Variants in CELF1 observed in about 807,000 individuals in gnomAD.
CELF1 encodes the protein CUGBP Elav-like family member 1, also known as 50 kDa nuclear polyadenylated RNA-binding protein.
In CELF1, 10 loss-of-function variants were observed where a neutral mutation model predicts 61.8. The observed-to-expected ratio is 0.16, with a 90% CI of 0.10 to 0.27. The LOEUF (loss-of-function observed/expected upper bound fraction) is 0.27. Among genes scored for constraint, CELF1 ranks in the 10% least tolerant of loss-of-function variants. The pLI, the probability that CELF1 is intolerant of heterozygous loss-of-function variation, is 1.00. For missense variants in CELF1, 380 were observed against 639.1 expected, an observed-to-expected ratio of 0.59 and a Z score of 4.37; for synonymous variants, 236 against 225.1, an observed-to-expected ratio of 1.05 and a Z score of -0.43.
At chr11:47,546,236 C>T (rs1598502483) in intron 1 of CELF1, among the ~76,000 whole-genome samples, 1 of 79,200 alleles carries the variant, frequency 1.3e-5, no homozygotes, top group African/African-American at 5.1e-5. Context: ...CTCTCAGTAT[C>T]TTTTTTTTTT....
chr11:47,552,670 G>C (rs1263625047), intron 1 of CELF1, among the ~76,000 whole-genome samples: 1 of 152,206 alleles, frequency 6.6e-6, no homozygotes, highest in South Asian at 2.1e-4. Context: ...AGCTGGCCCT[G>C]GGCAGGGCAC....
chr11:47,484,330 A>T, intron 7 of CELF1, 59 bp downstream of exon 7: 1 of 1,552,488 alleles, frequency 6.4e-7, no homozygotes, highest in Non-Finnish European at 8.7e-7. Flanking sequence ...AAAAAAAAAA[A>T]CCCCAAACCA....
At chr11:47,546,378 T>C (rs886362875) in intron 1 of CELF1, among the ~76,000 whole-genome samples, 12 of 151,876 alleles carry the variant, frequency 7.9e-5, no homozygotes, top group Non-Finnish European at 4.4e-5. Context: ...GCGATTCTCC[T>C]GCCTCAGCCT....
chr11:47,559,610 G>A (rs926175536), intron 2 of CELF1, among the ~76,000 whole-genome samples: 1 of 152,150 alleles, frequency 6.6e-6, no homozygotes, highest in Admixed American at 6.6e-5. Flanking sequence ...TCAGGTAGAT[G>A]TGAACCATGG....
chr11:47,526,698 G>A (rs1216212138), intron 1 of CELF1, among the ~76,000 whole-genome samples: 1 of 152,130 alleles, frequency 6.6e-6, no homozygotes, highest in African/African-American at 2.4e-5. Flanking sequence ...GAAATAGAAT[G>A]GTGGAACTAG....
At chr11:47,474,394 C>G (rs1384675061) in intron 13 of CELF1, among the ~76,000 whole-genome samples, 1 of 152,188 alleles carries the variant, frequency 6.6e-6, no homozygotes, top group Non-Finnish European at 1.5e-5. Context: ...TCCTTCAGTT[C>G]TCTGCTTAAA....
intron 1 of CELF1, among the ~76,000 whole-genome samples, chr11:47,503,787 T>C (rs1254172153): frequency 1.3e-5 from 2 of 152,220 alleles, no homozygotes; most frequent in Non-Finnish European, 1.5e-5. Flanking sequence ...CTTGCTTGCA[T>C]AGGTAAAATA....
At chr11:47,517,951 T>A (rs2095649960) in intron 1 of CELF1, among the ~76,000 whole-genome samples, 2 of 152,096 alleles carry the variant, frequency 1.3e-5, no homozygotes, top group South Asian at 4.1e-4. Context: ...TACTGAAAAT[T>A]TTTTTAAAGA....
At chr11:47,505,843 G>A (rs1487193590) in intron 1 of CELF1, among the ~76,000 whole-genome samples, 1 of 148,838 alleles carries the variant, frequency 6.7e-6, no homozygotes, top group African/African-American at 2.5e-5. Context: ...GCTGAGGCAC[G>A]AGAATTGCCT....
intron 1 of CELF1, chr11:47,506,924 G>C (rs2094549288): frequency 6.6e-6 from 1 of 152,180 alleles, no homozygotes; most frequent in Non-Finnish European, 1.5e-5. Flanking sequence ...AGAAAAATAA[G>C]TGGGCCATGC....
chr11:47,478,748 T>C (rs1423466733), intron 10 of CELF1, 129 bp downstream of exon 10: 3 of 683,998 alleles, frequency 4.4e-6, no homozygotes, highest in Non-Finnish European at 7.7e-6. Context: ...GGGATGTTTA[T>C]CCTAGGTCAG....
chr11:47,561,226 C>T (rs556044023), intron 2 of CELF1, among the ~76,000 whole-genome samples: 20 of 150,112 alleles, frequency 1.3e-4, no homozygotes, highest in African/African-American at 3.2e-4. Flanking sequence ...AGGTGGATCA[C>T]GAGGTCAGGA....
At chr11:47,548,298 CA>C (rs368036214) in intron 1 of CELF1, among the ~76,000 whole-genome samples, 2,140 of 148,990 alleles carry the variant, frequency 0.014, 48 homozygotes, top group African/African-American at 0.049. Flanking sequence ...GACTCCGTCT[CA>C]AAAAAAAAGG....
intron 2 of CELF1, among the ~76,000 whole-genome samples, chr11:47,558,814 T>C (rs1370747977): frequency 8.1e-6 from 1 of 123,118 alleles, no homozygotes; most frequent in African/African-American, 3.1e-5. Flanking sequence ...CAATAATATA[T>C]ATATTGCAGC....
intron 3 of CELF1, among the ~76,000 whole-genome samples, chr11:47,489,955 T>TTTTTTTTTTTTTTTTTTTTTTTTTTTTTG (rs71042675): frequency 7.1e-6 from 1 of 141,284 alleles, no homozygotes. Flanking sequence ...TTTTTTTTTT[T>TTTTTTTTTTTTTTTTTTTTTTTTTTTTTG]GAGACGGAAT....
chr11:47,506,432 AAAAAG>A (rs200020979), intron 1 of CELF1, among the ~76,000 whole-genome samples: 78 of 150,216 alleles, frequency 5.2e-4, no homozygotes, highest in African/African-American at 1.9e-3. Flanking sequence ...CCGGCTCAAA[AAAAAG>A]AAAAAAAAAA....
intron 1 of CELF1, among the ~76,000 whole-genome samples, chr11:47,501,661 T>G (rs1460358425): frequency 6.8e-6 from 1 of 146,852 alleles, no homozygotes; most frequent in Non-Finnish European, 1.5e-5. Context: ...CTAAAAAATA[T>G]CAAAAAAAAA....
intron 3 of CELF1, among the ~76,000 whole-genome samples, chr11:47,490,566 G>A (rs2090916491): frequency 6.6e-6 from 1 of 151,038 alleles, no homozygotes; most frequent in Non-Finnish European, 1.5e-5. Context: ...AGCTAGGATT[G>A]AAGGCATGCA....
chr11:47,494,545 A>C (rs879559763), intron 3 of CELF1: 46 of 925,826 alleles, frequency 5.0e-5, no homozygotes, highest in Non-Finnish European at 5.8e-5. Flanking sequence ...ATTCTTGAAC[A>C]CTCTCTTCTC....
Sources: allele counts gnomAD v4.1 joint callset (sites outside exome capture counted in the v4.1 genomes callset), GRCh38; gene constraint gnomAD v4.1.1; transcripts MANE v1.5; gene names NCBI Gene and HGNC (gene_info 2026-07-23, HGNC 2026-07-21).